The following PYDC1 variants were observed in gnomAD, a reference collection of about 807,000 sequenced individuals.
PYDC1 encodes pyrin domain containing 1.
A neutral mutation model predicts 0.7 loss-of-function variants in PYDC1; 1 was observed. The ratio of observed to expected loss-of-function variants is 1.39; its 90% CI spans 0.49 to 6.61. PYDC1 has a LOEUF of 6.61. Among genes scored for constraint, PYDC1 ranks in the 30% most tolerant of loss-of-function variants. PYDC1 has a pLI of 0.14. For missense variants in PYDC1, 129 were observed against 124.8 expected (o/e 1.03, Z -0.16); for synonymous variants, 37 against 60.9 (o/e 0.61, Z 1.83).
Position 31,216,923 on chromosome 16 carries a change from A to G in PYDC1, c.106T>C (p.Phe36Leu). The G allele has an allele frequency of 6.2e-7, 1 of 1,614,134 alleles. No homozygotes were observed. Residue 36 changes from phenylalanine (F) to leucine (L), a missense_variant, in exon 1 of 2, where the codon TTT becomes CTT. By Grantham distance (22) the Phe-to-Leu change is conservative. Coordinates refer to ENST00000302964, the MANE Select transcript of PYDC1 (RefSeq NM_152901.4). The surrounding 1 kb of genome is among the most constrained non-coding windows in gnomAD (Gnocchi z 6.7). ...KLGTVPLREG[F>L]ERIPRGALGQ... ...AGCGCGCCCCGCGGGATGCGCTCAA[A>G]GCCCTCGCGCAGCGGCACCGTCCCC...
Position 31,216,995 on chromosome 16 carries a change from G to A in PYDC1, c.34C>T (p.Leu12=), listed in dbSNP as rs769420582. The A allele has an allele frequency of 1.9e-6, 3 of 1,613,864 alleles. No homozygotes were observed. Among genetic ancestry groups the A allele is most frequent in the Admixed American group, 1.7e-5 (1 of 60,008 alleles). Residue 12 remains leucine, a synonymous_variant, in exon 1 of 2, where the codon CTG becomes TTG. Transcript: ENST00000302964. The surrounding 1 kb of genome is among the most constrained non-coding windows in gnomAD (Gnocchi z 6.7). ...GTKREAILKV[L]ENLTPEELKK... The stretch of plus-strand genomic sequence containing the variant: ...AGCTCCTCCGGTGTCAGGTTCTCCA[G>A]CACCTTCAGGATGGCCTCGCGCTTC...
In PYDC1 at chr16:31,216,997, A is replaced by T; in HGVS notation, c.32T>A (p.Val11Glu). Residue 11 changes from valine to glutamate, a missense_variant, in exon 1 of 2, where the codon GTG becomes GAG. Val to Glu is a moderately radical substitution (Grantham distance 121). Coordinates refer to ENST00000302964, the MANE Select transcript of PYDC1 (RefSeq NM_152901.4). This position sits in a 1 kb window ranked among gnomAD's most constrained non-coding sequence, Gnocchi z 6.7. MGTKREAILK[V>E]LENLTPEELK... ...CTCCTCCGGTGTCAGGTTCTCCAGC[A>T]CCTTCAGGATGGCCTCGCGCTTCGT... The T allele has an allele frequency of 1.9e-6, 3 of 1,613,742 alleles. No homozygotes were observed. Among genetic ancestry groups the T allele is most frequent in the Non-Finnish European group, 2.5e-6 (3 of 1,179,786 alleles).
rs957274868 is a variant in PYDC1, at chr16:31,216,442, A to G, written c.*17-285T>C. 2.7e-6 allele frequency: 1 copy of G among 367,360 alleles called. No homozygotes were observed. Among genetic ancestry groups the G allele is most frequent in the Non-Finnish European group, 4.9e-6 (1 of 204,502 alleles). 22.8% of individuals were successfully genotyped at this position (367,360 alleles called of 1,614,324 possible). ...GCCGCTAAAAAAAAAACAAAAAACAAACAAACAAAAAAAACCCAACCTCGC... is the reference window on the plus strand; with the variant it reads ...GCCGCTAAAAAAAAAACAAAAAACAGACAAACAAAAAAAACCCAACCTCGC... On this transcript the variant is annotated intron_variant, in intron 1 of 1. Transcript: ENST00000302964. The surrounding 1 kb of genome is among the most constrained non-coding windows in gnomAD (Gnocchi z 6.7).
Position 31,216,937 on chromosome 16 carries a change from G to A in PYDC1, c.92C>T (p.Pro31Leu), listed in dbSNP as rs372347969. The change falls in exon 1 of 2, where the codon CCG (proline) becomes CTG (leucine). Residue 31 changes from proline to leucine, a missense_variant. Pro to Leu is a moderately conservative substitution (Grantham distance 98). Coordinates refer to ENST00000302964, the MANE Select transcript of PYDC1 (RefSeq NM_152901.4). This position sits in a 1 kb window ranked among gnomAD's most constrained non-coding sequence, Gnocchi z 6.7. ...KKFKMKLGTV[P>L]LREGFERIPR... ...GATGCGCTCAAAGCCCTCGCGCAGC[G>A]GCACCGTCCCCAGCTTCATCTTGAA... The A allele has an allele frequency of 1.9e-6, 3 of 1,614,128 alleles. No homozygotes were observed. The highest frequency in any genetic ancestry group is 2.5e-6 in the Non-Finnish European group (3 of 1,180,028).
At position 31,216,295 on chromosome 16, in the gene PYDC1, T is replaced by A. The variant is rs2079507924; in HGVS notation, c.*17-138A>T. The A allele has an allele frequency of 6.4e-6, 1 of 156,660 alleles. No homozygotes were observed. Among genetic ancestry groups the A allele is most frequent in the Non-Finnish European group, 1.4e-5 (1 of 71,154 alleles). The allele number at this position is 156,660 out of a possible 1,614,324, so 9.7% of individuals were successfully genotyped here. On this transcript the variant is annotated intron_variant, in intron 1 of 1. Coordinates refer to ENST00000302964, the MANE Select transcript of PYDC1 (RefSeq NM_152901.4). This position sits in a 1 kb window ranked among gnomAD's most constrained non-coding sequence, Gnocchi z 6.7. Reference sequence around the variant, plus strand: ...CTCCTAGCTCAGGGCAGGAGCCTCCTCCCGGGACCCCTCCCATCCCAGCAC... The same window carrying A: ...CTCCTAGCTCAGGGCAGGAGCCTCCACCCGGGACCCCTCCCATCCCAGCAC...
chr16:31,215,990 A>G lies in PYDC1; in HGVS notation c.*184T>C, dbSNP rs2079506276. ...AGTCTGCCATGAATATTTATTGGGC[A>G]GTGGAAGAATAAATGACAGGTGCAG... On this transcript the variant is annotated 3_prime_UTR_variant, in exon 2 of 2. Transcript: ENST00000302964. The surrounding 1 kb of genome is among the most constrained non-coding windows in gnomAD (Gnocchi z 6.3). The G allele has an allele frequency of 6.6e-6, 1 of 152,228 alleles. No individual in the cohort carries two copies. The highest frequency in any genetic ancestry group is 1.5e-5 in the Non-Finnish European group (1 of 68,052). The allele number at this position is 152,228 out of a possible 1,614,324, so 9.4% of individuals were successfully genotyped here.
In PYDC1 at chr16:31,217,078, C is replaced by T. The variant is rs2079513782; in HGVS notation, c.-50G>A. Reference sequence around the variant, plus strand: ...TCCGAGGGCCTGGAGCCATCAGGTCCTACCTTTCCTGCAGCAGGTGGAGCT... The same window carrying T: ...TCCGAGGGCCTGGAGCCATCAGGTCTTACCTTTCCTGCAGCAGGTGGAGCT... On this transcript the variant is annotated 5_prime_UTR_variant, in exon 1 of 2. Coordinates refer to ENST00000302964, the MANE Select transcript of PYDC1 (RefSeq NM_152901.4). The T allele has an allele frequency of 2.6e-6, 4 of 1,562,224 alleles. No homozygotes were observed. The Admixed American group carries it at 5.5e-5, about 22-fold the overall frequency.
rs754047946 is a variant in PYDC1, at chr16:31,216,942, C to T, written c.87G>A (p.Thr29=). ...ELKKFKMKLG[T]VPLREGFERI... is the part of the protein sequence containing the mutation. ...GCTCAAAGCCCTCGCGCAGCGGCAC[C>T]GTCCCCAGCTTCATCTTGAACTTCT... is the stretch of plus-strand genomic sequence containing the variant. The change falls in exon 1 of 2, where the codon ACG becomes ACA. Residue 29 remains threonine, a synonymous_variant. Transcript: ENST00000302964. This position sits in a 1 kb window ranked among gnomAD's most constrained non-coding sequence, Gnocchi z 6.7. 5.0e-6 allele frequency: 8 copies of T among 1,614,032 alleles called. No homozygotes were observed. In the African/African-American group the frequency reaches 6.7e-5, roughly 13 times the overall value.
rs958802795 is a variant in PYDC1, at chr16:31,216,943, G to A, written c.86C>T (p.Thr29Met). 4 of 1,614,054 alleles carry A rather than the reference G, an allele frequency of 2.5e-6. No homozygotes were observed. Among genetic ancestry groups the A allele is most frequent in the African/African-American group, 2.7e-5 (2 of 74,958 alleles). ...ELKKFKMKLG[T>M]VPLREGFERI... Reference sequence around the variant, plus strand: ...CTCAAAGCCCTCGCGCAGCGGCACCGTCCCCAGCTTCATCTTGAACTTCTT... The same window carrying A: ...CTCAAAGCCCTCGCGCAGCGGCACCATCCCCAGCTTCATCTTGAACTTCTT... Residue 29 changes from threonine to methionine, a missense_variant, in exon 1 of 2, where the codon ACG (threonine) becomes ATG (methionine). Physicochemically the swap from Thr to Met is moderately conservative, Grantham distance 81 (BLOSUM62 -1). Transcript: ENST00000302964. This position sits in a 1 kb window ranked among gnomAD's most constrained non-coding sequence, Gnocchi z 6.7.
rs2144189752 is a variant in PYDC1, at chr16:31,216,694, C to T, written c.*16+49G>A. 6.5e-7 allele frequency: 1 copy of T among 1,538,562 alleles called. No individual in the cohort carries two copies. The highest frequency in any genetic ancestry group is 1.2e-5 in the South Asian group (1 of 81,714). On this transcript the variant is annotated intron_variant, in intron 1 of 1. Transcript: ENST00000302964. The surrounding 1 kb of genome is among the most constrained non-coding windows in gnomAD (Gnocchi z 6.7). ...CAGGAAGGCTCTGGGCGGGACCTGACGCGTGGGTCCTTGGCGAGGAAGCGG... is the reference window on the plus strand; with the variant it reads ...CAGGAAGGCTCTGGGCGGGACCTGATGCGTGGGTCCTTGGCGAGGAAGCGG...
Position 31,217,045 on chromosome 16 carries a change from T to G in PYDC1, c.-17A>C. On this transcript the variant is annotated 5_prime_UTR_variant, in exon 1 of 2. Coordinates refer to ENST00000302964, the MANE Select transcript of PYDC1 (RefSeq NM_152901.4). ...CGTTCCCATGGCTCAGCCCTGCGCC[T>G]CTGAGCCTCCGAGGGCCTGGAGCCA... 6.2e-7 allele frequency: 1 copy of G among 1,603,238 alleles called. No homozygotes were observed.
chr16:31,216,936 C>A lies in PYDC1; in HGVS notation c.93G>T (p.Pro31=). ...KKFKMKLGTV[P]LREGFERIPR... is the part of the protein sequence containing the mutation. Reference sequence around the variant, plus strand: ...GGATGCGCTCAAAGCCCTCGCGCAGCGGCACCGTCCCCAGCTTCATCTTGA... The same window carrying A: ...GGATGCGCTCAAAGCCCTCGCGCAGAGGCACCGTCCCCAGCTTCATCTTGA... Residue 31 remains proline, a synonymous_variant, in exon 1 of 2, where the codon CCG becomes CCT. Transcript: ENST00000302964. This position sits in a 1 kb window ranked among gnomAD's most constrained non-coding sequence, Gnocchi z 6.7. 3 of 1,614,154 alleles carry A rather than the reference C, an allele frequency of 1.9e-6. No individual in the cohort carries two copies. Among genetic ancestry groups the A allele is most frequent in the Non-Finnish European group, 2.5e-6 (3 of 1,180,034 alleles).
In PYDC1 at chr16:31,216,896, C is replaced by G. The variant is rs1377514388; in HGVS notation, c.133G>C (p.Gly45Arg). The change falls in exon 1 of 2, where the codon GGG becomes CGG. Residue 45 changes from glycine (G) to arginine (R), a missense_variant. Physicochemically the swap from Gly to Arg is moderately radical, Grantham distance 125. Coordinates refer to ENST00000302964, the MANE Select transcript of PYDC1 (RefSeq NM_152901.4). The surrounding 1 kb of genome is among the most constrained non-coding windows in gnomAD (Gnocchi z 6.7). The part of the protein sequence containing the change: ...GFERIPRGAL[G>R]QLDIVDLTDK... ...GTGAGGTCCACGATATCTAGCTGCC[C>G]GAGCGCGCCCCGCGGGATGCGCTCA... The G allele has an allele frequency of 6.2e-6, 10 of 1,613,808 alleles. No individual in the cohort carries two copies. The highest frequency in any genetic ancestry group is 8.5e-6 in the Non-Finnish European group (10 of 1,180,030).
In PYDC1 at chr16:31,216,443, A is replaced by G. The variant is rs2079508950; in HGVS notation, c.*17-286T>C. On this transcript the variant is annotated intron_variant, in intron 1 of 1. Coordinates refer to ENST00000302964, the MANE Select transcript of PYDC1 (RefSeq NM_152901.4). This position sits in a 1 kb window ranked among gnomAD's most constrained non-coding sequence, Gnocchi z 6.7. ...CCGCTAAAAAAAAAACAAAAAACAA[A>G]CAAACAAAAAAAACCCAACCTCGCC... 2.7e-6 allele frequency: 1 copy of G among 368,072 alleles called. No individual in the cohort carries two copies. The highest frequency in any genetic ancestry group is 4.9e-6 in the Non-Finnish European group (1 of 204,786). The allele number at this position is 368,072 out of a possible 1,614,324, so 22.8% of individuals were successfully genotyped here.
Position 31,216,894 on chromosome 16 carries a change from CCCGAGCGCGCCCCGCGGGAT to C in PYDC1, c.115_134del (p.Ile39AlafsTer64), listed in dbSNP as rs778023939. 62 of 1,614,046 alleles carry C rather than the reference CCCGAGCGCGCCCCGCGGGAT, an allele frequency of 3.8e-5. No homozygotes were observed. In the East Asian group the frequency reaches 1.4e-3, roughly 36 times the overall value. On this transcript the variant is annotated frameshift_variant, in exon 1 of 2. Transcript: ENST00000302964. LOFTEE classifies it low-confidence loss of function (END_TRUNC). This position sits in a 1 kb window ranked among gnomAD's most constrained non-coding sequence, Gnocchi z 6.7. Reference sequence around the variant, plus strand: ...CGGTGAGGTCCACGATATCTAGCTGCCCGAGCGCGCCCCGCGGGATGCGCTCAAAGCCCTCGCGCAGCGGC... The same window carrying C: ...CGGTGAGGTCCACGATATCTAGCTGCGCGCTCAAAGCCCTCGCGCAGCGGC...
rs1354365508 is a variant in PYDC1 at position 31,216,451 on chromosome 16, A to AC, written c.*16+291_*16+292insG. ...AAAAAAACAAAAAACAAACAAACAAAAAAAACCCAACCTCGCCCAACCTTG... is the reference window on the plus strand; with the variant it reads ...AAAAAAACAAAAAACAAACAAACAAACAAAAACCCAACCTCGCCCAACCTTG... On this transcript the variant is annotated intron_variant, in intron 1 of 1. Transcript: ENST00000302964. This position sits in a 1 kb window ranked among gnomAD's most constrained non-coding sequence, Gnocchi z 6.7. The AC allele has an allele frequency of 2.6e-6, 1 of 385,484 alleles. No homozygotes were observed. The highest frequency in any genetic ancestry group is 2.1e-5 in the African/African-American group (1 of 48,234). The allele number at this position is 385,484 out of a possible 1,614,324, so 23.9% of individuals were successfully genotyped here.
In PYDC1 at chr16:31,217,013, C is replaced by T. The variant is rs1291557204; in HGVS notation, c.16G>A (p.Glu6Lys). The T allele has an allele frequency of 6.2e-7, 1 of 1,612,712 alleles. No homozygotes were observed. Among genetic ancestry groups the T allele is most frequent in the African/African-American group, 1.3e-5 (1 of 75,036 alleles). Reference sequence around the variant, plus strand: ...TTCTCCAGCACCTTCAGGATGGCCTCGCGCTTCGTTCCCATGGCTCAGCCC... The same window carrying T: ...TTCTCCAGCACCTTCAGGATGGCCTTGCGCTTCGTTCCCATGGCTCAGCCC... The part of the protein sequence containing the change: MGTKR[E>K]AILKVLENLT... Residue 6 changes from glutamate (E) to lysine (K), a missense_variant, in exon 1 of 2, where the codon GAG (glutamate) becomes AAG (lysine). Physicochemically the swap from Glu to Lys is moderately conservative, Grantham distance 56. Transcript: ENST00000302964.
Position 31,216,743 on chromosome 16 carries a change from C to G in PYDC1, c.*16G>C. The G allele has an allele frequency of 6.3e-7, 1 of 1,587,128 alleles. No homozygotes were observed. Among genetic ancestry groups the G allele is most frequent in the Non-Finnish European group, 8.6e-7 (1 of 1,161,970 alleles). On this transcript the variant is annotated splice_region_variant and 3_prime_UTR_variant, in exon 1 of 2. Coordinates refer to ENST00000302964, the MANE Select transcript of PYDC1 (RefSeq NM_152901.4). This position sits in a 1 kb window ranked among gnomAD's most constrained non-coding sequence, Gnocchi z 6.7. Reference sequence around the variant, plus strand: ...GGGGTTGGGTCCCGAGATCACGTACCAGCTCAGAGTGGCCCTCACGCAGCC... The same window carrying G: ...GGGGTTGGGTCCCGAGATCACGTACGAGCTCAGAGTGGCCCTCACGCAGCC...
rs1329674382 is a variant in PYDC1 at position 31,216,855 on chromosome 16, GGCGACCA to G, written c.167_173del (p.Leu56ProfsTer97). 10 of 1,613,868 alleles carry G rather than the reference GGCGACCA, an allele frequency of 6.2e-6. No individual in the cohort carries two copies. The highest frequency in any genetic ancestry group is 8.5e-6 in the Non-Finnish European group (10 of 1,179,984). ...CGGCTGCGTAGTCCTCGTAGTAGGA[GGCGACCA>G]GCTTGTCGGTGAGGTCCACGATATC... On this transcript the variant is annotated frameshift_variant, in exon 1 of 2. Coordinates refer to ENST00000302964, the MANE Select transcript of PYDC1 (RefSeq NM_152901.4). LOFTEE classifies it low-confidence loss of function (END_TRUNC). This position sits in a 1 kb window ranked among gnomAD's most constrained non-coding sequence, Gnocchi z 6.7.
Sources: gnomAD v4.1 joint callset for allele counts on GRCh38, gnomAD v4.1.1 for gene constraint, Gnocchi (gnomAD v3.1) non-coding constraint, MANE v1.5 for transcripts, NCBI Gene and HGNC (gene_info 2026-07-23, HGNC 2026-07-21) for gene names.